Variants in RBFOX1 observed in about 807,000 individuals in gnomAD.
The protein encoded by RBFOX1 is RNA binding fox-1 homolog 1.
RBFOX1 carries 8 observed loss-of-function variants against 57.7 expected under a neutral mutation model. The ratio of observed to expected loss-of-function variants is 0.14; its 90% CI spans 0.08 to 0.25. The LOEUF (loss-of-function observed/expected upper bound fraction) is 0.25, where lower values mean the gene tolerates loss of function less well. Among genes scored for constraint, RBFOX1 ranks in the 10% least tolerant of loss-of-function variants. The pLI is 1.00. For synonymous variants in RBFOX1, 326 were observed against 222.4 expected (o/e 1.47, Z -4.15); for missense variants, 611 against 548.5 (o/e 1.11, Z -1.14).
chr16:6,755,416 C>G (rs1359447834), intron 3 of RBFOX1, among the ~76,000 whole-genome samples: 7 of 152,120 alleles, frequency 4.6e-5, no homozygotes, highest in Non-Finnish European at 8.8e-5. Context: ...GAGATGGTAT[C>G]TCATTGTGGT....
intron 4 of RBFOX1, among the ~76,000 whole-genome samples, chr16:7,394,850 G>A (rs550665196): frequency 1.3e-5 from 2 of 152,008 alleles, no homozygotes; most frequent in African/African-American, 2.4e-5. Flanking sequence ...TTTTCAATCC[G>A]TCTACTTCCA....
At chr16:5,709,176 G>T (rs971248762) in intron 3 of RBFOX1, among the ~76,000 whole-genome samples, 1 of 152,118 alleles carries the variant, frequency 6.6e-6, no homozygotes, top group African/African-American at 2.4e-5. Context: ...TCTGTTTCTG[G>T]GCTCCAGTGA....
At chr16:6,045,279 T>C (rs1307707243) in intron 1 of RBFOX1, among the ~76,000 whole-genome samples, 1 of 152,120 alleles carries the variant, frequency 6.6e-6, no homozygotes, top group Non-Finnish European at 1.5e-5. Flanking sequence ...AGATAGAACA[T>C]TTGGGTGGGT....
intron 3 of RBFOX1, among the ~76,000 whole-genome samples, chr16:6,942,929 A>G (rs1243359120): frequency 6.6e-6 from 1 of 152,190 alleles, no homozygotes; most frequent in South Asian, 2.1e-4. Flanking sequence ...CAGGGCTCGC[A>G]TTGGAGATTC....
intron 2 of RBFOX1, among the ~76,000 whole-genome samples, chr16:6,559,184 CACAA>C (rs566908980): frequency 2.0e-4 from 31 of 151,488 alleles, no homozygotes; most frequent in Non-Finnish European, 3.2e-4. Context: ...TATATATATA[CACAA>C]ACACACACTC....
intron 3 of RBFOX1, among the ~76,000 whole-genome samples, chr16:6,887,830 TTTTTATA>T (rs1431651935): frequency 6.6e-6 from 1 of 152,080 alleles, no homozygotes; most frequent in East Asian, 1.9e-4. Flanking sequence ...ACCTGGCTAA[TTTTTATA>T]TTTTTAGTAG....
At chr16:6,032,489 T>G (rs11648824) in intron 1 of RBFOX1, among the ~76,000 whole-genome samples, 11,050 of 152,264 alleles carry the variant, frequency 0.073, 881 homozygotes, top group African/African-American at 0.19. Context: ...TTTTTGTTCC[T>G]TGATGATCCT....
chr16:5,439,655 A>T (rs1017053452), intron 1 of RBFOX1, among the ~76,000 whole-genome samples: 3 of 152,018 alleles, frequency 2.0e-5, no homozygotes, highest in Admixed American at 2.0e-4. Flanking sequence ...TGAGATGAGA[A>T]AGACGGGCCT....
chr16:6,009,860 T>A (rs1484148543), intron 4 of RBFOX1, among the ~76,000 whole-genome samples: 1 of 127,738 alleles, frequency 7.8e-6, no homozygotes, highest in South Asian at 3.0e-4. Context: ...AAATTCAGAT[T>A]CCCATTCTCA....
At chr16:7,693,458 C>G (rs1474898825) in intron 14 of RBFOX1, 4 of 954,472 alleles carry the variant, frequency 4.2e-6, no homozygotes, top group Admixed American at 2.4e-5. Context: ...TGCAGTTGGT[C>G]ACTCTAGAAA....
intron 2 of RBFOX1, among the ~76,000 whole-genome samples, chr16:6,342,954 T>G (rs1041092744): frequency 3.3e-5 from 5 of 152,124 alleles, no homozygotes; most frequent in African/African-American, 1.2e-4. Context: ...TTCTGTCGCT[T>G]TATATTTTTT....
intron 2 of RBFOX1, among the ~76,000 whole-genome samples, chr16:5,497,819 A>G (rs975343154): frequency 1.5e-4 from 23 of 152,124 alleles, no homozygotes; most frequent in Admixed American, 1.4e-3. Flanking sequence ...GATTCTGATA[A>G]TTGTCCCCAA....
intron 2 of RBFOX1, among the ~76,000 whole-genome samples, chr16:5,506,959 C>T (rs1035884431): frequency 3.3e-5 from 5 of 152,226 alleles, no homozygotes; most frequent in South Asian, 2.1e-4. Flanking sequence ...TCAAAAGCCC[C>T]GTCTCAGAGA....
intron 3 of RBFOX1, among the ~76,000 whole-genome samples, chr16:6,998,308 A>C (rs954369476): frequency 2.0e-5 from 3 of 152,196 alleles, no homozygotes; most frequent in Non-Finnish European, 4.4e-5. Flanking sequence ...AAGGATGAAC[A>C]ACACTCATTA....
At chr16:5,585,391 TATTGATCTGTTC>T (rs1294040893) in intron 2 of RBFOX1, among the ~76,000 whole-genome samples, 7 of 152,244 alleles carry the variant, frequency 4.6e-5, no homozygotes, top group African/African-American at 1.4e-4. Context: ...AGCCATGTTT[TATTGATCTGTTC>T]ATCCAGTGAT....
At chr16:6,579,285 G>C (rs865987308) in intron 2 of RBFOX1, among the ~76,000 whole-genome samples, 31 of 151,790 alleles carry the variant, frequency 2.0e-4, no homozygotes, top group African/African-American at 7.5e-4. Context: ...CTCTCTGTAG[G>C]CTTGATCTAC....
intron 2 of RBFOX1, among the ~76,000 whole-genome samples, chr16:5,497,396 A>C (rs527286983): frequency 1.3e-5 from 2 of 151,960 alleles, no homozygotes; most frequent in African/African-American, 4.8e-5. Context: ...GGGTTTAGAA[A>C]ATGCTTGTTG....
At chr16:7,517,120 G>C (rs554863465) in intron 4 of RBFOX1, among the ~76,000 whole-genome samples, 2 of 144,504 alleles carry the variant, frequency 1.4e-5, no homozygotes, top group East Asian at 4.2e-4. Context: ...TAGACCTTTG[G>C]GTTACAATTT....
chr16:6,930,053 C>T (rs1211625852), intron 3 of RBFOX1, among the ~76,000 whole-genome samples: 2 of 152,154 alleles, frequency 1.3e-5, no homozygotes, highest in East Asian at 3.9e-4. Context: ...CCCTCTCTCC[C>T]ATAGCAAACC....
Sources: gnomAD v4.1 joint callset for allele counts (sites outside exome capture counted in the v4.1 genomes callset) on GRCh38, gnomAD v4.1.1 for gene constraint, MANE v1.5 for transcripts, NCBI Gene and HGNC (gene_info 2026-07-23, HGNC 2026-07-21) for gene names.